The following WARS2 variants were observed in gnomAD, a reference collection of about 807,000 sequenced individuals.
WARS2 encodes tryptophanyl tRNA synthetase 2, mitochondrial, also known as tryptophan--tRNA ligase, mitochondrial.
Under a neutral mutation model 36.5 loss-of-function variants are expected in WARS2, and 28 were observed. That is an observed-to-expected ratio of 0.77 (90% CI 0.57 to 1.05). The LOEUF is 1.05. Among genes scored for constraint, WARS2 ranks in the 50% least tolerant of loss-of-function variants. The pLI, the probability that WARS2 is intolerant of heterozygous loss-of-function variation, is 0.00. For missense variants in WARS2, 435 were observed against 456.8 expected (o/e 0.95, Z 0.44); for synonymous variants, 174 against 178.4 (o/e 0.98, Z 0.20).
intron 2 of WARS2, among the ~76,000 whole-genome samples, chr1:119,047,127 C>T (rs1207198910): frequency 1.3e-5 from 2 of 152,226 alleles, no homozygotes; most frequent in East Asian, 1.9e-4. Context: ...AAATTGCTAA[C>T]TGCTGCTGTA....
intron 1 of WARS2, among the ~76,000 whole-genome samples, chr1:119,080,455 T>C (rs1652099657): frequency 6.6e-6 from 1 of 152,168 alleles, no homozygotes; most frequent in Non-Finnish European, 1.5e-5. Context: ...ATACATCTTT[T>C]CCATTCTCTA....
chr1:119,058,162 C>T (rs1649999433), intron 2 of WARS2, among the ~76,000 whole-genome samples: 1 of 152,128 alleles, frequency 6.6e-6, no homozygotes, highest in South Asian at 2.1e-4. Context: ...AGTCAAGGTT[C>T]ATGTTCTCCC....
At chr1:119,125,146 A>G (rs34376432) in intron 1 of WARS2, among the ~76,000 whole-genome samples, 5,255 of 152,284 alleles carry the variant, frequency 0.035, 106 homozygotes, top group Middle Eastern at 0.061. Flanking sequence ...ACTGGCCTCT[A>G]TGCTGGTCTT....
rs1367903687 is a variant in WARS2, at chr1:119,034,131, ACTT to A, written c.595_597del (p.Lys199del). 2.5e-6 allele frequency: 4 copies of A among 1,613,874 alleles called. No individual in the cohort carries two copies. The highest frequency in any genetic ancestry group is 3.4e-6 in the Non-Finnish European group (4 of 1,179,916). On this transcript the variant is annotated inframe_deletion, in exon 5 of 6. Transcript: ENST00000235521. Reference sequence around the variant, plus strand: ...TCGGGCACTGGAAAGAACTCCCCATACTTCTTGTTGAAACCTTGTGCTAGATCC... The same window carrying A: ...TCGGGCACTGGAAAGAACTCCCCATACTTGTTGAAACCTTGTGCTAGATCC...
At chr1:119,060,708 C>T (rs773592954) in intron 2 of WARS2, among the ~76,000 whole-genome samples, 45 of 152,142 alleles carry the variant, frequency 3.0e-4, no homozygotes, top group African/African-American at 3.9e-4. Context: ...ATGGATAACA[C>T]GGAGTAAGTG....
At chr1:119,131,426 G>T (rs2101569799) in intron 1 of WARS2, among the ~76,000 whole-genome samples, 1 of 150,468 alleles carries the variant, frequency 6.6e-6, no homozygotes, top group East Asian at 1.9e-4. Context: ...GTCTAGAGAG[G>T]TATTTTGGAT....
chr1:119,127,380 C>T lies in WARS2; in HGVS notation c.90+13175G>A, dbSNP rs923677406. On this transcript the variant is annotated intron_variant, in intron 1 of 5. Coordinates refer to ENST00000235521, the MANE Select transcript of WARS2 (RefSeq NM_015836.4). ...AAAATTAAGGCACAGAAAAATCAAG[C>T]GACTGCACAAGGTCACACTGCCAGT... 1.2e-5 allele frequency: 5 copies of T among 431,908 alleles called. No homozygotes were observed. The East Asian group carries it at 1.6e-4, about 13-fold the overall frequency. The allele number at this position is 431,908 out of a possible 1,614,324, so 26.8% of individuals were successfully genotyped here.
At chr1:119,115,952 CTT>C (rs1301709616) in intron 1 of WARS2, among the ~76,000 whole-genome samples, 1 of 152,096 alleles carries the variant, frequency 6.6e-6, no homozygotes, top group East Asian at 1.9e-4. Flanking sequence ...GCAGCATTGT[CTT>C]ATAGAAAGAC....
At chr1:119,139,689 T>G (rs757399223) in intron 1 of WARS2, 2 of 152,182 alleles carry the variant, frequency 1.3e-5, no homozygotes, top group Non-Finnish European at 2.9e-5. Flanking sequence ...ATGCAAATGA[T>G]GCCGGGAAAT....
intron 2 of WARS2, among the ~76,000 whole-genome samples, chr1:119,073,269 T>A (rs1433248022): frequency 6.6e-6 from 1 of 152,090 alleles, no homozygotes; most frequent in Non-Finnish European, 1.5e-5. Flanking sequence ...TTTTTTTAAA[T>A]ATTTTTAAAT....
chr1:119,072,515 A>G (rs1032928014), intron 2 of WARS2, among the ~76,000 whole-genome samples: 2 of 152,236 alleles, frequency 1.3e-5, no homozygotes, highest in Non-Finnish European at 2.9e-5. Context: ...AGCATAAAAA[A>G]TCAAAGTTTT....
intron 3 of WARS2, among the ~76,000 whole-genome samples, chr1:119,042,553 G>A (rs2101121778): frequency 1.3e-5 from 2 of 152,118 alleles, no homozygotes; most frequent in African/African-American, 2.4e-5. Context: ...CAGGAATAAG[G>A]TGAGTGCATT....
intron 5 of WARS2, 149 bp from the exon 6 acceptor site, chr1:119,033,508 T>A: frequency 1.1e-6 from 1 of 946,370 alleles, no homozygotes; most frequent in Non-Finnish European, 1.6e-6. Context: ...ATCCATTCAG[T>A]AGAAACTGTA....
chr1:119,106,038 A>G (rs931886125), intron 1 of WARS2, among the ~76,000 whole-genome samples: 1 of 152,226 alleles, frequency 6.6e-6, no homozygotes, highest in African/African-American at 2.4e-5. Context: ...AAAGATTTTA[A>G]TAAGAAAGAT....
At chr1:119,073,855 GA>G (rs1321992343) in intron 2 of WARS2, among the ~76,000 whole-genome samples, 3 of 151,764 alleles carry the variant, frequency 2.0e-5, no homozygotes, top group Admixed American at 2.0e-4. Flanking sequence ...TTTACAAAGT[GA>G]AAAAAAATTA....
intron 1 of WARS2, chr1:119,085,861 A>G: frequency 6.2e-7 from 1 of 1,610,386 alleles, no homozygotes; most frequent in South Asian, 1.1e-5. Context: ...CTGTCCTTGT[A>G]CTCGGAGTGC....
intron 2 of WARS2, among the ~76,000 whole-genome samples, chr1:119,053,003 A>G (rs1649492949): frequency 6.6e-6 from 1 of 152,212 alleles, no homozygotes. Flanking sequence ...GCTAAAGTAA[A>G]CCACATGGAC....
At chr1:119,127,117 A>G (rs1645684938) in intron 1 of WARS2, 22 of 734,254 alleles carry the variant, frequency 3.0e-5, no homozygotes, top group Non-Finnish European at 5.5e-5. Flanking sequence ...AAGCCATCAG[A>G]TGCAATTTTG....
At chr1:119,122,761 A>G (rs1484458842) in intron 1 of WARS2, among the ~76,000 whole-genome samples, 1 of 152,230 alleles carries the variant, frequency 6.6e-6, no homozygotes, top group Non-Finnish European at 1.5e-5. Context: ...GTTGGAGACC[A>G]CTATTCTAAG....
Sources: allele counts gnomAD v4.1 joint callset (sites outside exome capture counted in the v4.1 genomes callset), GRCh38; gene constraint gnomAD v4.1.1; transcripts MANE v1.5; gene names NCBI Gene and HGNC (gene_info 2026-07-23, HGNC 2026-07-21).